Variants in TBC1D31 observed in about 807,000 individuals in gnomAD.
TBC1D31 encodes TBC1 domain family member 31.
A neutral mutation model predicts 132.9 loss-of-function variants in TBC1D31; 99 were observed. The ratio of observed to expected loss-of-function variants is 0.74; its 90% CI spans 0.63 to 0.88. The LOEUF is 0.88. Among genes scored for constraint, TBC1D31 ranks in the 40% least tolerant of loss-of-function variants. The pLI is 0.00. For synonymous variants in TBC1D31, 385 were observed against 419.4 expected (o/e 0.92, Z 1.00); for missense variants, 1,134 against 1,256.6 (o/e 0.90, Z 1.48).
At chr8:123,088,314 A>G (rs566980183) in intron 4 of TBC1D31, among the ~76,000 whole-genome samples, 201 of 152,330 alleles carry the variant, frequency 1.3e-3, no homozygotes, top group African/African-American at 4.7e-3. Context: ...ACCATTCAGA[A>G]TGTAACCATT....
At chr8:123,079,248 A>T (rs1814882328) in intron 2 of TBC1D31, among the ~76,000 whole-genome samples, 1 of 152,248 alleles carries the variant, frequency 6.6e-6, no homozygotes, top group African/African-American at 2.4e-5. Context: ...AAAATTGGCA[A>T]AATTTGATTG....
intron 2 of TBC1D31, among the ~76,000 whole-genome samples, chr8:123,078,249 T>A (rs1309237701): frequency 6.6e-6 from 1 of 152,078 alleles, no homozygotes; most frequent in Non-Finnish European, 1.5e-5. Flanking sequence ...GGAAGCTAGT[T>A]TAATACAGGG....
At chr8:123,134,807 G>A (rs538511397) in intron 17 of TBC1D31, among the ~76,000 whole-genome samples, 3 of 152,170 alleles carry the variant, frequency 2.0e-5, no homozygotes, top group African/African-American at 7.2e-5. Context: ...CTGTAATTAC[G>A]TAATAGTGAC....
intron 4 of TBC1D31, among the ~76,000 whole-genome samples, chr8:123,088,103 C>T (rs571418359): frequency 2.0e-5 from 3 of 151,964 alleles, no homozygotes; most frequent in East Asian, 1.9e-4. Context: ...GCAGAAGAAT[C>T]GCTTGAACCC....
chr8:123,127,339 C>T (rs1183419263), intron 13 of TBC1D31, among the ~76,000 whole-genome samples: 3 of 143,818 alleles, frequency 2.1e-5, no homozygotes, highest in South Asian at 2.2e-4. Flanking sequence ...GGCACAGTCC[C>T]GGTTCACTGC....
chr8:123,142,220 A>G, intron 18 of TBC1D31, 42 bp from the exon 19 acceptor site: 1 of 1,432,462 alleles, frequency 7.0e-7, no homozygotes. Flanking sequence ...TTTATGTACT[A>G]GTAGTTTGAC....
At chr8:123,142,841 T>C (rs908653244) in intron 19 of TBC1D31, among the ~76,000 whole-genome samples, 1 of 152,230 alleles carries the variant, frequency 6.6e-6, no homozygotes, top group Non-Finnish European at 1.5e-5. Context: ...TTCTGGCTGA[T>C]TGAATAATAT....
intron 4 of TBC1D31, among the ~76,000 whole-genome samples, chr8:123,090,049 C>A (rs1816182675): frequency 6.6e-6 from 1 of 152,184 alleles, no homozygotes; most frequent in Non-Finnish European, 1.5e-5. Flanking sequence ...AAAGAACCTA[C>A]CAGTCTAACC....
intron 12 of TBC1D31, 74 bp from the exon 13 acceptor site, chr8:123,126,434 T>G (rs1820039841): frequency 4.4e-6 from 6 of 1,355,936 alleles, no homozygotes; most frequent in Non-Finnish European, 6.1e-6. Context: ...AAATCGAATG[T>G]AAGGGAATAT....
At chr8:123,142,210 T>G in intron 18 of TBC1D31, 52 bp from the exon 19 acceptor site, 1 of 1,374,268 alleles carries the variant, frequency 7.3e-7, no homozygotes, top group Non-Finnish European at 9.8e-7. Flanking sequence ...ATACCTTCAT[T>G]TTATGTACTA....
At chr8:123,147,425 C>T (rs1822329189) in intron 20 of TBC1D31, among the ~76,000 whole-genome samples, 1 of 151,944 alleles carries the variant, frequency 6.6e-6, no homozygotes, top group South Asian at 2.1e-4. Context: ...TCCTGCGTGG[C>T]CCTCCCAAAG....
chr8:123,134,358 C>A (rs1313116837), intron 17 of TBC1D31, 152 bp downstream of exon 17: 11 of 594,776 alleles, frequency 1.8e-5, no homozygotes, highest in South Asian at 4.5e-5. Context: ...TATAGTGAGA[C>A]CCCATCTCTA....
the TBC1D31 span, among the ~76,000 whole-genome samples, chr8:123,157,290 G>A: frequency 6.6e-6 from 1 of 152,170 alleles, no homozygotes; most frequent in Non-Finnish European, 1.5e-5. Context: ...GCTACCTACT[G>A]CGCTAACGAG....
chr8:123,138,338 C>T (rs576351442), intron 17 of TBC1D31, among the ~76,000 whole-genome samples: 1 of 152,184 alleles, frequency 6.6e-6, no homozygotes, highest in East Asian at 1.9e-4. Context: ...AGCATCTTCA[C>T]ATATATATCT....
the TBC1D31 span, among the ~76,000 whole-genome samples, chr8:123,163,491 A>G: frequency 1.3e-5 from 2 of 149,660 alleles, no homozygotes; most frequent in Admixed American, 1.4e-4. Flanking sequence ...CAGCCTCCCA[A>G]GTAGCTGGGA....
intron 20 of TBC1D31, among the ~76,000 whole-genome samples, chr8:123,145,871 C>CTTTT (rs57816964): frequency 2.2e-5 from 3 of 133,516 alleles, no homozygotes; most frequent in Non-Finnish European, 3.2e-5. Context: ...TTCTCTTTTT[C>CTTTT]TTTTTTTTTT....
At chr8:123,097,250 C>T (rs117865044) in intron 5 of TBC1D31, 32 bp from the exon 6 acceptor site, 16,711 of 1,610,784 alleles carry the variant, frequency 0.01, 119 homozygotes, top group Non-Finnish European at 0.012. Flanking sequence ...CAATTGAACC[C>T]GTTTTTCTTT....
intron 5 of TBC1D31, among the ~76,000 whole-genome samples, chr8:123,096,770 G>A (rs566327782): frequency 1.8e-3 from 276 of 152,262 alleles, no homozygotes; most frequent in African/African-American, 6.2e-3. Context: ...AGTGAGCAAC[G>A]GCCTTGCAAG....
At chr8:123,119,698 G>A (rs1374551337) in intron 10 of TBC1D31, among the ~76,000 whole-genome samples, 4 of 152,136 alleles carry the variant, frequency 2.6e-5, no homozygotes, top group Non-Finnish European at 4.4e-5. Context: ...GGGTGACAGA[G>A]CAAGGCCCTG....
Sources: allele counts gnomAD v4.1 joint callset (sites outside exome capture counted in the v4.1 genomes callset), GRCh38; gene constraint gnomAD v4.1.1; transcripts MANE v1.5; gene names NCBI Gene and HGNC (gene_info 2026-07-23, HGNC 2026-07-21).